The following ZNF385D variants were observed in gnomAD, a reference collection of about 807,000 sequenced individuals.
ZNF385D encodes the protein zinc finger protein 659.
ZNF385D carries 15 observed loss-of-function variants against 35.8 expected under a neutral mutation model. The observed-to-expected ratio is 0.42, with a 90% CI of 0.28 to 0.64. ZNF385D has a LOEUF of 0.64. Ranked by LOEUF, ZNF385D falls within the 30% of genes least tolerant of loss-of-function variation. The pLI is 0.23. For synonymous variants in ZNF385D, 212 were observed against 186.8 expected, an observed-to-expected ratio of 1.13 and a Z score of -1.10; for missense variants, 474 against 494.6, an observed-to-expected ratio of 0.96 and a Z score of 0.39.
At chr3:22,213,482 G>A (rs999975788) in intron 2 of ZNF385D, among the ~76,000 whole-genome samples, 1 of 151,996 alleles carries the variant, frequency 6.6e-6, no homozygotes, top group Non-Finnish European at 1.5e-5. Flanking sequence ...GGTATTCTCA[G>A]ATTCGTGTCA....
intron 3 of ZNF385D, among the ~76,000 whole-genome samples, chr3:21,884,922 A>C (rs1424872500): frequency 1.3e-5 from 2 of 151,964 alleles, no homozygotes; most frequent in East Asian, 1.9e-4. Context: ...TTTTTTTGTA[A>C]ATAAAGTTTT....
chr3:21,691,453 C>T (rs17009327), intron 1 of ZNF385D, among the ~76,000 whole-genome samples: 11,010 of 152,064 alleles, frequency 0.072, 691 homozygotes, highest in African/African-American at 0.16. Flanking sequence ...ACAAATCACC[C>T]GTCAGACACT....
At chr3:22,122,215 C>T (rs1703125716) in intron 3 of ZNF385D, among the ~76,000 whole-genome samples, 2 of 152,104 alleles carry the variant, frequency 1.3e-5, no homozygotes, top group African/African-American at 4.8e-5. Flanking sequence ...AATAAGTTTA[C>T]CTTCTTTCTA....
At chr3:21,712,054 A>C (rs1186336150) in intron 1 of ZNF385D, among the ~76,000 whole-genome samples, 1 of 152,086 alleles carries the variant, frequency 6.6e-6, no homozygotes, top group Admixed American at 6.5e-5. Flanking sequence ...TAAAAGGTGT[A>C]CCCCACCATT....
At chr3:22,183,997 C>A (rs973975208) in intron 2 of ZNF385D, among the ~76,000 whole-genome samples, 4 of 152,018 alleles carry the variant, frequency 2.6e-5, no homozygotes, top group African/African-American at 9.7e-5. Context: ...TTCACTTTGT[C>A]AGTATGTGAA....
chr3:22,039,816 C>G lies in ZNF385D; in HGVS notation c.325+129001G>C, dbSNP rs548580495. On this transcript the variant is annotated intron_variant, in intron 3 of 5. Transcript: ENST00000494108. ...AGTTTTTCCTGGATGTCTTTCTTCT[C>G]TTTTCTTCTTCAGTACCACTCTTCA... Among the ~76,000 whole-genome samples the G allele has an allele frequency of 2.4e-4, 36 of 152,212 alleles. No homozygotes were observed. The South Asian group carries it at 7.5e-3, about 32-fold the overall frequency.
At chr3:21,774,837 T>A (rs756263253) in intron 3 of ZNF385D, among the ~76,000 whole-genome samples, 1 of 151,890 alleles carries the variant, frequency 6.6e-6, no homozygotes, top group Non-Finnish European at 1.5e-5. Flanking sequence ...TTGGATATGA[T>A]GTTTATAATA....
At chr3:22,308,536 T>G (rs1189522037) in intron 2 of ZNF385D, among the ~76,000 whole-genome samples, 2 of 151,834 alleles carry the variant, frequency 1.3e-5, no homozygotes, top group Non-Finnish European at 2.9e-5. Context: ...GAAAACTTAG[T>G]GATGGAAAAG....
At chr3:21,445,047 C>A (rs924849278) in intron 4 of ZNF385D, among the ~76,000 whole-genome samples, 2 of 152,154 alleles carry the variant, frequency 1.3e-5, no homozygotes, top group African/African-American at 4.8e-5. Flanking sequence ...AGTCTTGACA[C>A]GAATTGTCCA....
rs1168662911 is a variant in ZNF385D, at chr3:22,201,818, T to C, written c.107-32783A>G. ...GTGTGTGTATATATATACATATATA[T>C]ATATAAATTTAATACTTTTGACAAA... On this transcript the variant is annotated intron_variant, in intron 2 of 5. Transcript: ENST00000494108. Among the ~76,000 whole-genome samples, 9 of 151,602 alleles carry C rather than the reference T, an allele frequency of 5.9e-5. No individual in the cohort carries two copies. In the South Asian group the frequency reaches 6.2e-4, roughly 10 times the overall value.
chr3:22,149,177 T>G (rs1469425157), intron 3 of ZNF385D, among the ~76,000 whole-genome samples: 1 of 152,122 alleles, frequency 6.6e-6, no homozygotes, highest in Admixed American at 6.5e-5. Flanking sequence ...TGTATGAATG[T>G]TAAAGTGTAA....
At chr3:21,864,122 G>A (rs1697204078) in intron 3 of ZNF385D, among the ~76,000 whole-genome samples, 1 of 152,038 alleles carries the variant, frequency 6.6e-6, no homozygotes, top group Admixed American at 6.6e-5. Context: ...GTTTTTGTGT[G>A]TACATGCATA....
chr3:22,202,708 G>A (rs1696881766), intron 2 of ZNF385D, among the ~76,000 whole-genome samples: 1 of 152,136 alleles, frequency 6.6e-6, no homozygotes. Flanking sequence ...TCCCCTAGCA[G>A]CAGATGCAGG....
intron 2 of ZNF385D, among the ~76,000 whole-genome samples, chr3:22,232,422 C>G (rs1050845531): frequency 6.6e-6 from 1 of 151,650 alleles, no homozygotes; most frequent in Non-Finnish European, 1.5e-5. Context: ...TTCTGGGATA[C>G]ATGTGCAGAA....
intron 1 of ZNF385D, among the ~76,000 whole-genome samples, chr3:21,690,384 A>G (rs2067243152): frequency 6.6e-6 from 1 of 152,218 alleles, no homozygotes; most frequent in Admixed American, 6.5e-5. Context: ...CTACTATCTG[A>G]CCCTGCAGAC....
At position 21,693,998 on chromosome 3, in the gene ZNF385D, C is replaced by T. The variant is rs2067376258; in HGVS notation, c.23-28970G>A. Among the ~76,000 whole-genome samples the T allele has an allele frequency of 2.1e-5, 3 of 141,566 alleles. No homozygotes were observed. In the South Asian group the frequency reaches 6.7e-4, roughly 32 times the overall value. The allele number at this position is 141,566 out of a possible 152,430, so 92.9% of individuals were successfully genotyped here. ...GGTTCAAGCGATTCTCCTGCCTCAG[C>T]CTCCTGCGTAGCTGGGACTACAGGC... On this transcript the variant is annotated intron_variant, in intron 1 of 7. Coordinates refer to ENST00000281523, the MANE Select transcript of ZNF385D (RefSeq NM_024697.3).
intron 1 of ZNF385D, among the ~76,000 whole-genome samples, chr3:21,705,347 A>G (rs2125396039): frequency 6.6e-6 from 1 of 152,346 alleles, no homozygotes; most frequent in African/African-American, 2.4e-5. Context: ...TTTTCTTGGT[A>G]CAGATTAAGA....
rs1386875569 is a variant in ZNF385D at position 21,425,599 on chromosome 3, C to T, written c.745G>A (p.Val249Met). 4 of 1,607,662 alleles carry T rather than the reference C, an allele frequency of 2.5e-6. No individual in the cohort carries two copies. The South Asian group carries it at 3.3e-5, about 13-fold the overall frequency. ...TTATTAACAGGTCCTTTGCCTTTCA[C>T]TCCTGCCCTAGGAAAGGCTTTGATA... is the stretch of plus-strand genomic sequence containing the variant. ...GTIKAFPRAG[V>M]KGKGPVNKGN... The change falls in exon 6 of 8, where the codon GTG (valine) becomes ATG (methionine). Residue 249 changes from valine to methionine, a missense_variant. By Grantham distance (21) the Val-to-Met change is conservative (BLOSUM62 1). Transcript: ENST00000281523.
At chr3:21,816,496 A>C (rs961608429) in intron 3 of ZNF385D, among the ~76,000 whole-genome samples, 5 of 152,214 alleles carry the variant, frequency 3.3e-5, no homozygotes, top group Non-Finnish European at 4.4e-5. Context: ...AAGATACAAA[A>C]TCAATATGCA....
Sources: gnomAD v4.1 joint callset for allele counts (sites outside exome capture counted in the v4.1 genomes callset) on GRCh38, gnomAD v4.1.1 for gene constraint, MANE v1.5 for transcripts, NCBI Gene and HGNC (gene_info 2026-07-23, HGNC 2026-07-21) for gene names.